The following CWC25 variants were observed in gnomAD, a reference collection of about 807,000 sequenced individuals.
CWC25 encodes CWC25 spliceosome associated protein.
Under a neutral mutation model 54.6 loss-of-function variants are expected in CWC25, and 31 were observed. That is an observed-to-expected ratio of 0.57 (90% CI 0.43 to 0.77). The LOEUF (loss-of-function observed/expected upper bound fraction) is 0.77, where lower values mean the gene tolerates loss of function less well. Among genes scored for constraint, CWC25 ranks in the 30% least tolerant of loss-of-function variants. CWC25 has a pLI of 0.00. For missense variants in CWC25, 453 were observed against 529.3 expected (o/e 0.86, Z 1.41); for synonymous variants, 151 against 187.0 (o/e 0.81, Z 1.57).
In CWC25 at chr17:38,806,945, T is replaced by C; in HGVS notation, c.722A>G (p.Gln241Arg). ...VRNSDRNQGL[Q>R]GPLTAEQKRG... ...CTTTTGCTCTGCTGTCAGAGGACCC[T>C]GAAGACCCTGGTTACGGTCAGAGTT... The change falls in exon 7 of 10, where the codon CAG (glutamine) becomes CGG (arginine). Residue 241 changes from glutamine (Q) to arginine (R), a missense_variant. Around this residue, in one of 2 missense-constraint regions of CWC25, gnomAD observed 444 missense variants for 499.2 expected, o/e 0.89. Transcript: ENST00000614790. 1 of 1,613,642 alleles carries C rather than the reference T, an allele frequency of 6.2e-7. No individual in the cohort carries two copies. The highest frequency in any genetic ancestry group is 8.5e-7 in the Non-Finnish European group (1 of 1,179,768).
In CWC25 at chr17:38,802,036, G is replaced by T; in HGVS notation, c.*56C>A. ...TTTGAACTCTTATAAAGAGAATTAA[G>T]GGGTCAGCAGCTTCCCTGGAAAATG... On this transcript the variant is annotated 3_prime_UTR_variant, in exon 10 of 10. Coordinates refer to ENST00000614790, the MANE Select transcript of CWC25 (RefSeq NM_017748.5). 1 of 1,090,202 alleles carries T rather than the reference G, an allele frequency of 9.2e-7. No individual in the cohort carries two copies. Among genetic ancestry groups the T allele is most frequent in the East Asian group, 2.4e-5 (1 of 41,430 alleles). The allele number at this position is 1,090,202 out of a possible 1,614,324, so 67.5% of individuals were successfully genotyped here.
intron 1 of CWC25, among the ~76,000 whole-genome samples, chr17:38,822,659 A>G (rs937085326): frequency 3.9e-5 from 6 of 152,080 alleles, no homozygotes; most frequent in Non-Finnish European, 5.9e-5. Context: ...TAGATTTCCA[A>G]ACAGAGGGGA....
At chr17:38,814,724 C>A (rs565349377) in intron 3 of CWC25, 137 bp downstream of exon 3, 2 of 673,208 alleles carry the variant, frequency 3.0e-6, no homozygotes, top group South Asian at 2.0e-5. Context: ...TCAGCCTGGG[C>A]GACAGAGCGA....
chr17:38,814,315 G>A (rs1262335272), intron 3 of CWC25, among the ~76,000 whole-genome samples: 2 of 148,824 alleles, frequency 1.3e-5, no homozygotes. Context: ...ACGGAGTCTC[G>A]CTCTGTCGCC....
At chr17:38,821,445 G>C (rs1038521257) in intron 1 of CWC25, among the ~76,000 whole-genome samples, 3 of 152,054 alleles carry the variant, frequency 2.0e-5, no homozygotes, top group Non-Finnish European at 2.9e-5. Context: ...CTGTAGTCCC[G>C]GCTATTCAGC....
intron 6 of CWC25, 96 bp from the exon 7 acceptor site, chr17:38,807,072 A>G (rs1911278327): frequency 1.0e-6 from 1 of 965,320 alleles, no homozygotes; most frequent in African/African-American, 1.7e-5. Flanking sequence ...CTGTAATCCC[A>G]GCACTTTGGG....
In CWC25 at chr17:38,806,361, G is replaced by A; in HGVS notation, c.937C>T (p.Gln313Ter). The A allele has an allele frequency of 1.2e-6, 2 of 1,613,608 alleles. No individual in the cohort carries two copies. ...NSKVNRRETG[Q>*]TRSPSPKKEV... ...TTTTTAGGTGATGGGCTCCTAGTTT[G>A]GCCTGTCTCTCTCCTGTTCACCTTA... Residue 313 changes from glutamine (Q) to a stop codon, truncating the protein, a stop_gained, in exon 8 of 10, where the codon CAA (glutamine) becomes TAA (stop). Coordinates refer to ENST00000614790, the MANE Select transcript of CWC25 (RefSeq NM_017748.5). LOFTEE classifies it high-confidence loss of function.
chr17:38,806,755 C>G lies in CWC25; in HGVS notation c.902+10G>C. On this transcript the variant is annotated intron_variant, in intron 7 of 9. Coordinates refer to ENST00000614790, the MANE Select transcript of CWC25 (RefSeq NM_017748.5). Reference sequence around the variant, plus strand: ...GTCACAGGTTATTTCCCAGTGAATCCCACACTCACAGTTTGCTGGGTCTTG... The same window carrying G: ...GTCACAGGTTATTTCCCAGTGAATCGCACACTCACAGTTTGCTGGGTCTTG... 6.4e-7 allele frequency: 1 copy of G among 1,558,654 alleles called. No individual in the cohort carries two copies. Among genetic ancestry groups the G allele is most frequent in the East Asian group, 2.3e-5 (1 of 44,096 alleles).
intron 2 of CWC25, 44 bp downstream of exon 2, chr17:38,820,857 C>T (rs1911892097): frequency 2.5e-6 from 4 of 1,581,090 alleles, no homozygotes; most frequent in Middle Eastern, 1.8e-4. Context: ...CAGGACAGCT[C>T]TGCAATTCCC....
chr17:38,803,920 G>A (rs1040283358), intron 8 of CWC25, among the ~76,000 whole-genome samples: 19 of 151,822 alleles, frequency 1.3e-4, no homozygotes, highest in Middle Eastern at 6.8e-3. Context: ...GGTGGCACCC[G>A]TGTAGCCCCA....
chr17:38,808,218 C>A (rs1411979994), intron 6 of CWC25, among the ~76,000 whole-genome samples: 1 of 137,002 alleles, frequency 7.3e-6, no homozygotes, highest in Non-Finnish European at 1.6e-5. Context: ...CCCCTCTCTA[C>A]TAAAAATACA....
rs746266817 is a variant in CWC25, at chr17:38,825,201, C to G, written c.-18G>C. The G allele has an allele frequency of 1.3e-6, 2 of 1,591,164 alleles. No homozygotes were observed. Among genetic ancestry groups the G allele is most frequent in the Admixed American group, 3.6e-5 (2 of 56,024 alleles). On this transcript the variant is annotated 5_prime_UTR_variant, in exon 1 of 10. Coordinates refer to ENST00000614790, the MANE Select transcript of CWC25 (RefSeq NM_017748.5). The stretch of plus-strand genomic sequence containing the variant: ...CCCCCCATGACGGTGGAGACGATTC[C>G]TCACTACGCGGATCTGGAAGATTTC...
chr17:38,810,509 A>G lies in CWC25; in HGVS notation c.585T>C (p.Ser195=). Residue 195 remains serine, a synonymous_variant, in exon 5 of 10, where the codon AGT becomes AGC. Coordinates refer to ENST00000614790, the MANE Select transcript of CWC25 (RefSeq NM_017748.5). ...CATCCTCGCTGCTGGAACGATCACT[A>G]CTCGAGCTTCTGTGCTTATGTTTCT... ...KHKKHKHRSS[S]SDRSSSEDEH... The G allele has an allele frequency of 6.2e-7, 1 of 1,606,354 alleles. No homozygotes were observed. Among genetic ancestry groups the G allele is most frequent in the East Asian group, 2.2e-5 (1 of 44,742 alleles).
intron 2 of CWC25, among the ~76,000 whole-genome samples, chr17:38,817,583 C>A (rs1042520624): frequency 6.6e-6 from 1 of 151,220 alleles, no homozygotes; most frequent in Non-Finnish European, 1.5e-5. Context: ...GGTCAAGAGA[C>A]CAAGGCCATC....
In CWC25 at chr17:38,800,649, G is replaced by C. The variant is rs1042678771; in HGVS notation, c.*1443C>G. 2.6e-5 allele frequency: 4 copies of C among 152,200 alleles called. No individual in the cohort carries two copies. Among genetic ancestry groups the C allele is most frequent in the African/African-American group, 9.7e-5 (4 of 41,432 alleles). 9.4% of individuals were successfully genotyped at this position (152,200 alleles called of 1,614,324 possible). On this transcript the variant is annotated 3_prime_UTR_variant, in exon 10 of 10. Coordinates refer to ENST00000614790, the MANE Select transcript of CWC25 (RefSeq NM_017748.5). ...TTTTAAGCAGAATTAGGAATTAGCA[G>C]AACAAGGAAATCGCCCAGCTAATGT...
intron 6 of CWC25, among the ~76,000 whole-genome samples, chr17:38,808,734 T>C (rs1911356810): frequency 6.6e-6 from 1 of 151,356 alleles, no homozygotes. Context: ...TGAGCTGAGA[T>C]TGCACCATTG....
At chr17:38,819,891 C>T (rs1016338495) in intron 2 of CWC25, among the ~76,000 whole-genome samples, 4 of 152,090 alleles carry the variant, frequency 2.6e-5, no homozygotes, top group African/African-American at 4.8e-5. Context: ...AGGCTGGTCT[C>T]GAACTCCTGA....
At chr17:38,807,094 G>C (rs1911279718) in intron 6 of CWC25, 118 bp from the exon 7 acceptor site, 2 of 692,656 alleles carry the variant, frequency 2.9e-6, no homozygotes, top group East Asian at 5.8e-5. Flanking sequence ...GGCCGAGGCG[G>C]GGGGGATCAC....
In CWC25 at chr17:38,806,403, A is replaced by G; in HGVS notation, c.903-8T>C. ...TTCACCTTAGAGTTGTGCCTGTAGC[A>G]GACACAGAAGGCAAAGAGGAAAAAG... On this transcript the variant is annotated splice_polypyrimidine_tract_variant and splice_region_variant and intron_variant, in intron 7 of 9. Coordinates refer to ENST00000614790, the MANE Select transcript of CWC25 (RefSeq NM_017748.5). The G allele has an allele frequency of 6.2e-7, 1 of 1,612,400 alleles. No homozygotes were observed. Among genetic ancestry groups the G allele is most frequent in the Non-Finnish European group, 8.5e-7 (1 of 1,179,066 alleles).
Sources: gnomAD v4.1 joint callset for allele counts (sites outside exome capture counted in the v4.1 genomes callset) on GRCh38, gnomAD v4.1.1 for gene constraint, gnomAD v4.1.1 regional missense constraint, MANE v1.5 for transcripts, NCBI Gene and HGNC (gene_info 2026-07-23, HGNC 2026-07-21) for gene names.